SULF1: variants seen among roughly 807,000 people sequenced by gnomAD.
SULF1 encodes extracellular sulfatase Sulf-1.
In SULF1, 46 loss-of-function variants were observed where a neutral mutation model predicts 110.5. The ratio of observed to expected loss-of-function variants is 0.42; its 90% confidence interval spans 0.33 to 0.53. The LOEUF (loss-of-function observed/expected upper bound fraction) is 0.53. SULF1 is among the 20% of genes least tolerant of loss of function. The pLI, the probability that SULF1 is intolerant of heterozygous loss-of-function variation, is 0.12. For synonymous variants in SULF1, 371 were observed against 387.1 expected (o/e 0.96, Z 0.49); for missense variants, 941 against 1,094.2 (o/e 0.86, Z 1.98).
At chr8:69,470,957 G>A (rs1253744411) in intron 1 of SULF1, among the ~76,000 whole-genome samples, 1 of 152,114 alleles carries the variant, frequency 6.6e-6, no homozygotes, top group Non-Finnish European at 1.5e-5. Flanking sequence ...TTGTCATCAT[G>A]TGCACGGTTC....
At chr8:69,488,966 G>T (rs73287667), upstream of SULF1, among the ~76,000 whole-genome samples, 1 of 152,096 alleles carries the variant, frequency 6.6e-6, no homozygotes, top group South Asian at 2.1e-4. Flanking sequence ...AAACCCATAA[G>T]GTTGAAGACC....
intron 8 of SULF1, among the ~76,000 whole-genome samples, chr8:69,595,411 T>C (rs556416410): frequency 6.6e-6 from 1 of 152,368 alleles, no homozygotes; most frequent in Admixed American, 6.5e-5. Flanking sequence ...TTATTTTTCT[T>C]ATATACCTCT....
At chr8:69,474,043 G>C (rs912294970) in intron 1 of SULF1, among the ~76,000 whole-genome samples, 1 of 152,066 alleles carries the variant, frequency 6.6e-6, no homozygotes, top group African/African-American at 2.4e-5. Flanking sequence ...CCATTTTCCT[G>C]AACAACACTG....
chr8:69,518,489 A>T (rs1812081847), intron 3 of SULF1, among the ~76,000 whole-genome samples: 2 of 152,086 alleles, frequency 1.3e-5, no homozygotes, highest in South Asian at 2.1e-4. Flanking sequence ...GAATGCCTAG[A>T]TTTTGTTTTC....
intron 13 of SULF1, among the ~76,000 whole-genome samples, chr8:69,619,716 G>A (rs1809455075): frequency 6.6e-6 from 1 of 152,234 alleles, no homozygotes; most frequent in Non-Finnish European, 1.5e-5. Context: ...CCCTTCACAG[G>A]ATGTGCAACA....
intron 6 of SULF1, among the ~76,000 whole-genome samples, chr8:69,580,635 A>G (rs1336484830): frequency 6.6e-6 from 1 of 152,188 alleles, no homozygotes; most frequent in Non-Finnish European, 1.5e-5. Flanking sequence ...TCATTTAACA[A>G]TTGTGGTATT....
rs57805090 is a variant in SULF1, at chr8:69,634,016, T to C, written c.2284+4337T>C. 4.2e-3 allele frequency among the ~76,000 whole-genome samples: 638 copies of C among 152,312 alleles called. 4 individuals carry two copies. The highest frequency in any genetic ancestry group is 0.015 in the African/African-American group (612 of 41,566). Reference sequence around the variant, plus strand: ...TTAATGTATGTAGATGTGAGATAAATGTTCACATATAAATAATATGTTATA... The same window carrying C: ...TTAATGTATGTAGATGTGAGATAAACGTTCACATATAAATAATATGTTATA... On this transcript the variant is annotated intron_variant, in intron 19 of 22. Coordinates refer to ENST00000402687, the MANE Select transcript of SULF1 (RefSeq NM_001128205.2).
At position 69,659,164 on chromosome 8, in the gene SULF1, G is replaced by T. The variant is rs771488814; in HGVS notation, c.*629G>T. 2.2e-6 allele frequency: 1 copy of T among 456,718 alleles called. No homozygotes were observed. The highest frequency in any genetic ancestry group is 1.5e-5 in the South Asian group (1 of 64,552). 28.3% of individuals were successfully genotyped at this position (456,718 alleles called of 1,614,324 possible). A position where few individuals can be genotyped will look rare whatever the true frequency, so the allele number is the denominator to read the frequency against. On this transcript the variant is annotated 3_prime_UTR_variant, in exon 23 of 23. Coordinates refer to ENST00000402687, the MANE Select transcript of SULF1 (RefSeq NM_001128205.2). Reference sequence around the variant, plus strand: ...ACTATATCTTCCTGTGCATTCCGATGGAATTTCAGTTCATCAGATGTTCAC... The same window carrying T: ...ACTATATCTTCCTGTGCATTCCGATTGAATTTCAGTTCATCAGATGTTCAC...
chr8:69,520,947 A>G (rs962086072), intron 3 of SULF1, among the ~76,000 whole-genome samples: 1 of 152,180 alleles, frequency 6.6e-6, no homozygotes, highest in African/African-American at 2.4e-5. Context: ...TAATGTCCCC[A>G]GAGTATACAT....
At chr8:69,614,951 C>G (rs1808970263) in intron 13 of SULF1, among the ~76,000 whole-genome samples, 1 of 152,152 alleles carries the variant, frequency 6.6e-6, no homozygotes, top group South Asian at 2.1e-4. Context: ...TTGCAGAAAA[C>G]AGGAAAACAA....
chr8:69,578,903 C>G (rs1254768112), intron 6 of SULF1, among the ~76,000 whole-genome samples: 1 of 152,126 alleles, frequency 6.6e-6, no homozygotes, highest in African/African-American at 2.4e-5. Flanking sequence ...GTGGCTCACG[C>G]CTGTAATCCC....
At chr8:69,614,659 A>G (rs879289075) in intron 13 of SULF1, among the ~76,000 whole-genome samples, 4 of 152,264 alleles carry the variant, frequency 2.6e-5, no homozygotes, top group Non-Finnish European at 5.9e-5. Context: ...GATATAATCA[A>G]TCAAAAACAC....
intron 19 of SULF1, among the ~76,000 whole-genome samples, chr8:69,630,548 T>C (rs1376680102): frequency 2.6e-5 from 4 of 152,224 alleles, no homozygotes; most frequent in African/African-American, 9.6e-5. Flanking sequence ...TCAGGGTCCA[T>C]GTTTGCATTT....
Position 69,628,222 on chromosome 8 carries a change from T to C in SULF1, c.2094T>C (p.His698=), listed in dbSNP as rs1810250791. ...AAAAGCAAGAGAAATTAAAGAGCCA[T>C]CTTCACCCATTCAAGTAAGTAACTC... The part of the protein sequence containing the change: ...GVKKQEKLKS[H]LHPFKEAAQE... The change falls in exon 18 of 23, where the codon CAT becomes CAC. Residue 698 remains histidine, a synonymous_variant. Coordinates refer to ENST00000402687, the MANE Select transcript of SULF1 (RefSeq NM_001128205.2). 6.2e-7 allele frequency: 1 copy of C among 1,613,758 alleles called. No individual in the cohort carries two copies.
intron 1 of SULF1, among the ~76,000 whole-genome samples, chr8:69,470,503 T>C (rs1720069963): frequency 6.6e-6 from 1 of 152,146 alleles, no homozygotes; most frequent in African/African-American, 2.4e-5. Context: ...CTCTCCCCTA[T>C]AGCCAGTCTG....
At position 69,564,100 on chromosome 8, in the gene SULF1, G is replaced by T; in HGVS notation, c.125G>T (p.Arg42Leu). 6.2e-7 allele frequency: 1 copy of T among 1,614,110 alleles called. No homozygotes were observed. The highest frequency in any genetic ancestry group is 8.5e-7 in the Non-Finnish European group (1 of 1,180,034). Residue 42 changes from arginine to leucine, a missense_variant, in exon 5 of 23, where the codon CGA becomes CTA. Around this residue, in one of 3 missense-constraint regions of SULF1, gnomAD observed 822 missense variants for 934.3 expected, o/e 0.88. Coordinates refer to ENST00000402687, the MANE Select transcript of SULF1 (RefSeq NM_001128205.2). ...GRIQQERKNI[R>L]PNIILVLTDD... ...ATACAGCAGGAACGAAAAAACATCCGACCCAACATTATTCTTGTGCTTACC... is the reference window on the plus strand; with the variant it reads ...ATACAGCAGGAACGAAAAAACATCCTACCCAACATTATTCTTGTGCTTACC...
intron 8 of SULF1, among the ~76,000 whole-genome samples, chr8:69,593,792 T>G (rs1807081971): frequency 6.6e-6 from 1 of 152,212 alleles, no homozygotes; most frequent in South Asian, 2.1e-4. Context: ...AGCCCTGCGC[T>G]CTGGCTAAGA....
At chr8:69,622,151 T>C (rs867915040) in intron 14 of SULF1, among the ~76,000 whole-genome samples, 1 of 152,250 alleles carries the variant, frequency 6.6e-6, no homozygotes. Context: ...TTTGTTTCCA[T>C]GTCAACAATT....
At chr8:69,542,232 TG>T (rs2150671122) in intron 3 of SULF1, among the ~76,000 whole-genome samples, 1 of 152,220 alleles carries the variant, frequency 6.6e-6, no homozygotes, top group African/African-American at 2.4e-5. Flanking sequence ...TGAAGAATAT[TG>T]GGGAGGGCTT....
Sources: allele counts gnomAD v4.1 joint callset (sites outside exome capture counted in the v4.1 genomes callset), GRCh38; gene constraint gnomAD v4.1.1; regional missense constraint gnomAD v4.1.1; transcripts MANE v1.5; gene names NCBI Gene and HGNC (gene_info 2026-07-23, HGNC 2026-07-21).